The following CRYBG3 variants were observed in gnomAD, a reference collection of about 807,000 sequenced individuals.
CRYBG3 encodes very large A-kinase anchor protein.
CRYBG3 carries 127 observed loss-of-function variants against 244.2 expected under a neutral mutation model. The ratio of observed to expected loss-of-function variants is 0.52; its 90% CI spans 0.45 to 0.60. CRYBG3 has a LOEUF of 0.60. Ranked by LOEUF, CRYBG3 falls within the 20% of genes least tolerant of loss-of-function variation. The pLI is 0.00. For synonymous variants in CRYBG3, 1,132 were observed against 1,195.8 expected (o/e 0.95, Z 1.10); for missense variants, 3,325 against 3,442.5 (o/e 0.97, Z 0.85).
intron 17 of CRYBG3, among the ~76,000 whole-genome samples, chr3:97,931,668 C>T (rs1045637304): frequency 2.0e-5 from 3 of 152,036 alleles, no homozygotes; most frequent in Non-Finnish European, 4.4e-5. Context: ...CTCCTGATTT[C>T]TTTATATATA....
rs1381270646 is a variant in CRYBG3, at chr3:97,872,377, A to G, written c.1183A>G (p.Ser395Gly). The G allele has an allele frequency of 1.3e-6, 2 of 1,535,976 alleles. No homozygotes were observed. Among genetic ancestry groups the G allele is most frequent in the Non-Finnish European group, 1.7e-6 (2 of 1,146,818 alleles). The change falls in exon 4 of 22, where the codon AGC becomes GGC. Residue 395 changes from serine to glycine, a missense_variant. Physicochemically the swap from Ser to Gly is moderately conservative, Grantham distance 56 (BLOSUM62 0). This residue lies in a region of CRYBG3 where 1,526 missense variants were observed against 1,443.2 expected (regional missense o/e 1.06). Coordinates refer to ENST00000389622, the MANE Select transcript of CRYBG3 (RefSeq NM_153605.4). ...AAGTAACCATCGCAAAGTCCCTTGCAGCCCAGATTTTCAGAGAGTAACTAC... is the reference window on the plus strand; with the variant it reads ...AAGTAACCATCGCAAAGTCCCTTGCGGCCCAGATTTTCAGAGAGTAACTAC... ...TGSNHRKVPC[S>G]PDFQRVTTTE...
chr3:97,884,970 G>T (rs1469464260), intron 7 of CRYBG3, among the ~76,000 whole-genome samples: 1 of 152,242 alleles, frequency 6.6e-6, no homozygotes, highest in East Asian at 1.9e-4. Context: ...ATTTGTTTGT[G>T]TGAGACAGTT....
At chr3:97,932,183 G>A (rs2040105430) in intron 17 of CRYBG3, among the ~76,000 whole-genome samples, 1 of 151,928 alleles carries the variant, frequency 6.6e-6, no homozygotes, top group South Asian at 2.1e-4. Flanking sequence ...AAATTTTAAT[G>A]TGTGTACAAG....
chr3:97,846,645 T>G (rs768336409), intron 2 of CRYBG3, among the ~76,000 whole-genome samples: 2 of 152,188 alleles, frequency 1.3e-5, no homozygotes, highest in African/African-American at 4.8e-5. Context: ...ACTTCTCTAT[T>G]TGAAGATTTT....
chr3:97,938,977 C>T (rs1386067920), intron 19 of CRYBG3, among the ~76,000 whole-genome samples: 1 of 151,974 alleles, frequency 6.6e-6, no homozygotes, highest in East Asian at 1.9e-4. Flanking sequence ...TCAGAAAAAG[C>T]AAAGTAGAGA....
Position 97,872,505 on chromosome 3 carries a change from C to A in CRYBG3, c.1311C>A (p.Phe437Leu), listed in dbSNP as rs1365833536. 2 of 1,535,964 alleles carry A rather than the reference C, an allele frequency of 1.3e-6. No individual in the cohort carries two copies. The highest frequency in any genetic ancestry group is 3.9e-5 in the Admixed American group (2 of 50,982). Residue 437 changes from phenylalanine (F) to leucine (L), a missense_variant, in exon 4 of 22, where the codon TTC (phenylalanine) becomes TTA (leucine). Phe to Leu is a conservative substitution (Grantham distance 22). Transcript: ENST00000389622. The part of the protein sequence containing the change: ...VEPQGPAISD[F>L]SCSKSDGSDT... ...CTCAGGGCCCTGCTATTTCTGATTT[C>A]TCTTGTAGTAAATCTGATGGGAGTG...
intron 20 of CRYBG3, 32 bp from the exon 21 acceptor site, chr3:97,942,252 A>G (rs753372656): frequency 1.3e-6 from 2 of 1,569,976 alleles, no homozygotes; most frequent in Admixed American, 3.5e-5. Context: ...CAAACATACT[A>G]CTGCCAATTA....
rs2038505133 is a variant in CRYBG3 at position 97,822,011 on chromosome 3, G to A, written c.-196G>A. 4.9e-6 allele frequency: 2 copies of A among 408,004 alleles called. No individual in the cohort carries two copies. The highest frequency in any genetic ancestry group is 1.1e-4 in the South Asian group (1 of 8,852). The allele number at this position is 408,004 out of a possible 1,614,324, so 25.3% of individuals were successfully genotyped here. ...GGGCGGGAGGAGGAGCAGCCGCAGC[G>A]GCGTGAGGAGCTGCCGCGCGAGGAG... On this transcript the variant is annotated 5_prime_UTR_variant, in exon 1 of 22. Transcript: ENST00000389622.
Position 97,886,823 on chromosome 3 carries a change from A to G in CRYBG3, c.7289+56A>G, listed in dbSNP as rs550330846. ...TTGATGGCCACCAATTTCATATTTC[A>G]ATAGATGACATACATTTTTCTAAAG... On this transcript the variant is annotated intron_variant, in intron 8 of 21. Coordinates refer to ENST00000389622, the MANE Select transcript of CRYBG3 (RefSeq NM_153605.4). 1.0e-5 allele frequency: 14 copies of G among 1,401,974 alleles called. No individual in the cohort carries two copies. In the African/African-American group the frequency reaches 1.6e-4, roughly 16 times the overall value. 86.8% of individuals were successfully genotyped at this position (1,401,974 alleles called of 1,614,324 possible).
intron 2 of CRYBG3, among the ~76,000 whole-genome samples, chr3:97,863,594 T>G (rs1341883403): frequency 6.6e-6 from 1 of 152,112 alleles, no homozygotes; most frequent in Non-Finnish European, 1.5e-5. Context: ...TCTTGAATAA[T>G]GTTTCATATT....
intron 19 of CRYBG3, among the ~76,000 whole-genome samples, chr3:97,937,234 A>C (rs1241432025): frequency 6.6e-6 from 1 of 152,084 alleles, no homozygotes; most frequent in Non-Finnish European, 1.5e-5. Flanking sequence ...AAGCATTTGG[A>C]TATTCCCCTC....
chr3:97,834,152 C>G (rs35754366), intron 1 of CRYBG3, among the ~76,000 whole-genome samples: 2,822 of 152,188 alleles, frequency 0.019, 42 homozygotes, highest in Non-Finnish European at 0.031. Context: ...GGACAGACAT[C>G]CAAACCATAG....
Position 97,864,241 on chromosome 3 carries a change from A to G in CRYBG3, c.241A>G (p.Asn81Asp). ...VKIRQSEDKRNHAEKPVTLPV... is the reference protein window; with the variant it reads ...VKIRQSEDKRDHAEKPVTLPV... ...GATTCGCCAAAGTGAGGACAAAAGGAACCATGCTGAGAAGCCAGTCACTCT... is the reference window on the plus strand; with the variant it reads ...GATTCGCCAAAGTGAGGACAAAAGGGACCATGCTGAGAAGCCAGTCACTCT... The change falls in exon 3 of 22, where the codon AAC becomes GAC. Residue 81 changes from asparagine (N) to aspartate (D), a missense_variant. By Grantham distance (23) the Asn-to-Asp change is conservative (BLOSUM62 1). This residue lies in a region of CRYBG3 where 1,526 missense variants were observed against 1,443.2 expected (regional missense o/e 1.06). Transcript: ENST00000389622. 1 of 1,509,236 alleles carries G rather than the reference A, an allele frequency of 6.6e-7. No individual in the cohort carries two copies. Among genetic ancestry groups the G allele is most frequent in the Non-Finnish European group, 8.8e-7 (1 of 1,137,772 alleles). 93.5% of individuals were successfully genotyped at this position (1,509,236 alleles called of 1,614,324 possible).
intron 15 of CRYBG3, among the ~76,000 whole-genome samples, chr3:97,908,712 C>G (rs956533288): frequency 2.9e-4 from 44 of 152,244 alleles, no homozygotes; most frequent in African/African-American, 1.1e-3. Context: ...ATTTGCCAGT[C>G]TGTGTCTTTT....
intron 15 of CRYBG3, among the ~76,000 whole-genome samples, chr3:97,901,599 C>A (rs1255716653): frequency 4.6e-5 from 7 of 152,136 alleles, no homozygotes; most frequent in Non-Finnish European, 1.0e-4. Flanking sequence ...TTTGAAAACT[C>A]CCAACTGTGG....
chr3:97,843,586 CTT>C (rs1400081146), intron 2 of CRYBG3, among the ~76,000 whole-genome samples: 1 of 152,164 alleles, frequency 6.6e-6, no homozygotes, highest in Non-Finnish European at 1.5e-5. Context: ...TCCATGGTCT[CTT>C]TTTCCTAGGA....
At chr3:97,907,321 G>A (rs568633291) in intron 15 of CRYBG3, among the ~76,000 whole-genome samples, 1 of 152,252 alleles carries the variant, frequency 6.6e-6, no homozygotes, top group Admixed American at 6.5e-5. Context: ...AAAAGGATTG[G>A]TACCAGTTCC....
In CRYBG3 at chr3:97,877,625, A is replaced by T. The variant is rs745841441; in HGVS notation, c.6431A>T (p.Glu2144Val). Residue 2144 changes from glutamate (E) to valine (V), a missense_variant, in exon 4 of 22, where the codon GAG becomes GTG. By Grantham distance (121) the Glu-to-Val change is moderately radical. This residue lies in a region of CRYBG3 where 450 missense variants were observed against 424.1 expected (regional missense o/e 1.06). Transcript: ENST00000389622. ...LKMNFDEDDR[E>V]AADEEEEEEE... ...ATGAATTTTGATGAAGATGACAGAG[A>T]GGCAGCTGATGAGGAAGAAGAGGAG... The T allele has an allele frequency of 3.7e-6, 6 of 1,614,108 alleles. No individual in the cohort carries two copies. The East Asian group carries it at 1.3e-4, about 36-fold the overall frequency.
At chr3:97,843,529 T>G (rs776490035) in intron 2 of CRYBG3, among the ~76,000 whole-genome samples, 12 of 152,160 alleles carry the variant, frequency 7.9e-5, no homozygotes, top group Non-Finnish European at 1.8e-4. Flanking sequence ...AGCTGAGGAT[T>G]TAACTTCTTC....
Sources: gnomAD v4.1 joint callset for allele counts (sites outside exome capture counted in the v4.1 genomes callset) on GRCh38, gnomAD v4.1.1 for gene constraint, gnomAD v4.1.1 regional missense constraint, MANE v1.5 for transcripts, NCBI Gene and HGNC (gene_info 2026-07-23, HGNC 2026-07-21) for gene names.